The following C1QTNF7 variants were observed in gnomAD, a reference collection of about 807,000 sequenced individuals.
The protein encoded by C1QTNF7 is C1q and TNF related 7.
A neutral mutation model predicts 19.6 loss-of-function variants in C1QTNF7; 15 were observed. The observed-to-expected ratio is 0.76, with a 90% CI of 0.51 to 1.18. C1QTNF7 has a LOEUF of 1.18. Among genes scored for constraint, C1QTNF7 ranks in the 50% most tolerant of loss-of-function variants. The pLI, the probability that C1QTNF7 is intolerant of heterozygous loss-of-function variation, is 0.00. For synonymous variants in C1QTNF7, 142 were observed against 137.5 expected (o/e 1.03, Z -0.23); for missense variants, 324 against 359.7 (o/e 0.90, Z 0.80).
intron 1 of C1QTNF7, among the ~76,000 whole-genome samples, chr4:15,375,449 T>C (rs1461617820): frequency 2.0e-5 from 3 of 152,246 alleles, no homozygotes; most frequent in Non-Finnish European, 2.9e-5. Flanking sequence ...TTTGCATTAA[T>C]AGTAATTCTA....
Position 15,367,007 on chromosome 4 carries a change from A to G in C1QTNF7, c.13+26800A>G, listed in dbSNP as rs772032973. ...GAGGGACATTTTGGTTCAACCATTT[A>G]CATAGGGGGTGCATCTATTTATCCA... On this transcript the variant is annotated intron_variant, in intron 1 of 2. Transcript: ENST00000295297. 5.1e-4 allele frequency among the ~76,000 whole-genome samples: 78 copies of G among 152,346 alleles called. No individual in the cohort carries two copies. The Middle Eastern group carries it at 0.01, about 20-fold the overall frequency.
chr4:15,373,631 A>C (rs528154515), intron 1 of C1QTNF7, among the ~76,000 whole-genome samples: 18 of 152,326 alleles, frequency 1.2e-4, no homozygotes, highest in African/African-American at 4.3e-4. Context: ...TAAGTGTTCC[A>C]GGCAGTGGCC....
At chr4:15,430,877 G>C (rs1180599234) in intron 1 of C1QTNF7, among the ~76,000 whole-genome samples, 3 of 152,088 alleles carry the variant, frequency 2.0e-5, no homozygotes, top group Non-Finnish European at 4.4e-5. Flanking sequence ...AAAAGCACAA[G>C]GATTCTTTTC....
intron 1 of C1QTNF7, among the ~76,000 whole-genome samples, chr4:15,350,612 C>T (rs545544500): frequency 2.0e-5 from 3 of 152,268 alleles, no homozygotes; most frequent in South Asian, 2.1e-4. Context: ...CACAAATTCT[C>T]TATTTTGTTT....
At chr4:15,370,539 G>A (rs1264524956) in intron 1 of C1QTNF7, among the ~76,000 whole-genome samples, 1 of 152,186 alleles carries the variant, frequency 6.6e-6, no homozygotes, top group Non-Finnish European at 1.5e-5. Flanking sequence ...CAGAGAGAGA[G>A]AGAGTGGAAA....
Position 15,402,469 on chromosome 4 carries a change from C to A in C1QTNF7, c.14-33267C>A, listed in dbSNP as rs186726662. On this transcript the variant is annotated intron_variant, in intron 1 of 2. Transcript: ENST00000295297. ...ACATGAGCAAGTATTAGATCTTTTA[C>A]AAAACCGAATCAAGACTAAGCAACA... Among the ~76,000 whole-genome samples, 579 of 152,122 alleles carry A rather than the reference C, an allele frequency of 3.8e-3. 3 individuals are homozygous for A. The highest frequency in any genetic ancestry group is 5.7e-3 in the Non-Finnish European group (388 of 67,992).
intron 1 of C1QTNF7, among the ~76,000 whole-genome samples, chr4:15,393,080 G>C (rs1225565973): frequency 1.3e-5 from 2 of 152,164 alleles, no homozygotes; most frequent in Admixed American, 1.3e-4. Flanking sequence ...CCCCCATACT[G>C]TTCTTATGGT....
intron 1 of C1QTNF7, among the ~76,000 whole-genome samples, chr4:15,376,674 A>G (rs542655233): frequency 6.6e-6 from 1 of 152,334 alleles, no homozygotes; most frequent in South Asian, 2.1e-4. Flanking sequence ...TTTGGAAGTA[A>G]ATGAGTGTTT....
At chr4:15,432,750 T>A (rs1712373038) in intron 1 of C1QTNF7, among the ~76,000 whole-genome samples, 1 of 152,232 alleles carries the variant, frequency 6.6e-6, no homozygotes, top group Admixed American at 6.5e-5. Flanking sequence ...GTGCCTTTTT[T>A]AAAGTTTTAA....
intron 1 of C1QTNF7, among the ~76,000 whole-genome samples, chr4:15,405,909 A>G (rs1719179097): frequency 6.6e-6 from 1 of 152,088 alleles, no homozygotes; most frequent in Non-Finnish European, 1.5e-5. Flanking sequence ...GCCCTGCTGC[A>G]GTGCCTTTCA....
chr4:15,426,492 C>T (rs982756236), upstream of C1QTNF7, among the ~76,000 whole-genome samples: 4 of 152,052 alleles, frequency 2.6e-5, no homozygotes, highest in African/African-American at 4.8e-5. Context: ...AGAAGAAATT[C>T]AATTTTTATT....
At chr4:15,356,624 T>C (rs746996205) in intron 1 of C1QTNF7, among the ~76,000 whole-genome samples, 2 of 152,220 alleles carry the variant, frequency 1.3e-5, no homozygotes, top group Non-Finnish European at 2.9e-5. Flanking sequence ...AGTAATGGGA[T>C]TGCTGCATCA....
At chr4:15,394,188 G>A (rs1718691972) in intron 1 of C1QTNF7, among the ~76,000 whole-genome samples, 1 of 152,260 alleles carries the variant, frequency 6.6e-6, no homozygotes, top group African/African-American at 2.4e-5. Flanking sequence ...CTTGAGGAAA[G>A]TACGTAAGGT....
chr4:15,375,838 AG>A (rs1002501355), intron 1 of C1QTNF7, among the ~76,000 whole-genome samples: 51 of 152,184 alleles, frequency 3.4e-4, no homozygotes, highest in African/African-American at 1.2e-3. Flanking sequence ...CCTTAACTCT[AG>A]TTGACATCTG....
chr4:15,428,002 T>C, upstream of C1QTNF7: 16 of 983,082 alleles, frequency 1.6e-5, no homozygotes, highest in Non-Finnish European at 1.9e-5. Context: ...TTTGGATCTG[T>C]TATTCTGTCT....
At chr4:15,359,382 A>G (rs567513433) in intron 1 of C1QTNF7, among the ~76,000 whole-genome samples, 12 of 152,104 alleles carry the variant, frequency 7.9e-5, no homozygotes, top group Admixed American at 2.6e-4. Context: ...CTAGGGGTAA[A>G]ATTGGAGGTG....
chr4:15,341,745 C>G (rs567250061), intron 1 of C1QTNF7, among the ~76,000 whole-genome samples: 1 of 152,346 alleles, frequency 6.6e-6, no homozygotes, highest in African/African-American at 2.4e-5. Flanking sequence ...CGGGGAAGCC[C>G]CCACCCTATT....
intron 1 of C1QTNF7, among the ~76,000 whole-genome samples, chr4:15,341,191 T>C (rs1252663138): frequency 6.6e-6 from 1 of 152,210 alleles, no homozygotes. Flanking sequence ...ACCCTGTGGA[T>C]TTGACAGAGC....
intron 1 of C1QTNF7, among the ~76,000 whole-genome samples, chr4:15,407,562 T>C (rs1719237882): frequency 6.6e-6 from 1 of 152,186 alleles, no homozygotes; most frequent in African/African-American, 2.4e-5. Flanking sequence ...TCTAGAACCA[T>C]TGCTTTGGCT....
Sources: allele counts gnomAD v4.1 joint callset (sites outside exome capture counted in the v4.1 genomes callset), GRCh38; gene constraint gnomAD v4.1.1; transcripts MANE v1.5; gene names NCBI Gene and HGNC (gene_info 2026-07-23, HGNC 2026-07-21).